The following SIPA1L3 variants were observed in gnomAD, a reference collection of about 807,000 sequenced individuals.
The protein encoded by SIPA1L3 is signal-induced proliferation-associated 1-like protein 3.
In SIPA1L3, 59 loss-of-function variants were observed where a neutral mutation model predicts 150.1. The observed-to-expected ratio is 0.39, with a 90% CI of 0.32 to 0.49. The LOEUF (loss-of-function observed/expected upper bound fraction) is 0.49. SIPA1L3 is among the 20% of genes least tolerant of loss of function. The pLI, the probability that SIPA1L3 is intolerant of heterozygous loss-of-function variation, is 0.86. For missense variants in SIPA1L3, 2,211 were observed against 2,489.5 expected, an observed-to-expected ratio of 0.89 and a Z score of 2.38; for synonymous variants, 1,070 against 1,077.6, an observed-to-expected ratio of 0.99 and a Z score of 0.14.
intron 2 of SIPA1L3, among the ~76,000 whole-genome samples, chr19:38,051,089 T>C (rs1408858936): frequency 6.6e-6 from 1 of 152,136 alleles, no homozygotes; most frequent in Non-Finnish European, 1.5e-5. Flanking sequence ...GTAAAGTGTT[T>C]AGAGCAGTGC....
At chr19:38,087,940 C>T (rs547275921) in intron 3 of SIPA1L3, among the ~76,000 whole-genome samples, 1 of 152,270 alleles carries the variant, frequency 6.6e-6, no homozygotes, top group African/African-American at 2.4e-5. Flanking sequence ...ATGGAGTGAA[C>T]CCGGGAGGTG....
chr19:38,123,419 G>T (rs897678136), intron 9 of SIPA1L3, among the ~76,000 whole-genome samples: 2 of 149,344 alleles, frequency 1.3e-5, no homozygotes, highest in Admixed American at 1.3e-4. Flanking sequence ...GCGGCCTTCC[G>T]CAGTGTTTGT....
chr19:38,018,006 C>T (rs1378583235), intron 1 of SIPA1L3, among the ~76,000 whole-genome samples: 3 of 152,140 alleles, frequency 2.0e-5, no homozygotes, highest in African/African-American at 4.8e-5. Flanking sequence ...CCCTCCCTTG[C>T]TGCAGCCATC....
In SIPA1L3 at chr19:38,119,759, T is replaced by C. The variant is rs372446385; in HGVS notation, c.2745T>C (p.Asp915=). ...KEVVFNCYCG[D]VIGWTPDSST... ...TGGTGTTCAACTGCTACTGCGGGGA[T>C]GTCATTGGCTGGACTCCAGACTCCT... The change falls in exon 9 of 22, where the codon GAT becomes GAC. Residue 915 remains aspartate, a synonymous_variant. Transcript: ENST00000222345. 9 of 1,614,052 alleles carry C rather than the reference T, an allele frequency of 5.6e-6. No individual in the cohort carries two copies. Among genetic ancestry groups the C allele is most frequent in the Non-Finnish European group, 7.6e-6 (9 of 1,180,018 alleles).
intron 2 of SIPA1L3, among the ~76,000 whole-genome samples, chr19:38,045,065 C>T (rs1444752425): frequency 6.6e-6 from 1 of 152,102 alleles, no homozygotes; most frequent in Non-Finnish European, 1.5e-5. Flanking sequence ...GCCCTCACCA[C>T]CTAGTGGGGG....
chr19:38,198,504 C>T lies in SIPA1L3; in HGVS notation c.4956C>T (p.Ser1652=). 1 of 1,590,340 alleles carries T rather than the reference C, an allele frequency of 6.3e-7. No individual in the cohort carries two copies. Among genetic ancestry groups the T allele is most frequent in the Non-Finnish European group, 8.5e-7 (1 of 1,169,600 alleles). Residue 1652 remains serine, a synonymous_variant, in exon 19 of 22, where the codon AGC becomes AGT. Transcript: ENST00000222345. Reference sequence around the variant, plus strand: ...CAGCTGCTGGCCTCGAGTGGTCCAGCCTGGTGAACGCAGCCAAGGCATACG... The same window carrying T: ...CAGCTGCTGGCCTCGAGTGGTCCAGTCTGGTGAACGCAGCCAAGGCATACG... ...PDTAAGLEWS[S]LVNAAKAYEV...
In SIPA1L3 at chr19:37,973,553, A is replaced by AG. The variant is rs1568484946; in HGVS notation, c.-378-55536_-378-55535insG. On this transcript the variant is annotated intron_variant, in intron 1 of 21. Coordinates refer to ENST00000222345, the MANE Select transcript of SIPA1L3 (RefSeq NM_015073.3). Reference sequence around the variant, plus strand: ...CCTGGCCAAAAAAAAAAAAAAAAAAAAGCGGGAGGGGGGCGCATCTTGAAG... The same window carrying AG: ...CCTGGCCAAAAAAAAAAAAAAAAAAAGAGCGGGAGGGGGGCGCATCTTGAAG... Among the ~76,000 whole-genome samples the AG allele has an allele frequency of 1.5e-4, 12 of 80,374 alleles. No individual in the cohort carries two copies. In the East Asian group the frequency reaches 4.2e-3, roughly 28 times the overall value. 52.7% of individuals were successfully genotyped at this position (80,374 alleles called of 152,430 possible). A position where few individuals can be genotyped will look rare whatever the true frequency, so the allele number is the denominator to read the frequency against.
At chr19:38,067,652 C>T (rs1969625958) in intron 2 of SIPA1L3, among the ~76,000 whole-genome samples, 1 of 151,964 alleles carries the variant, frequency 6.6e-6, no homozygotes, top group Non-Finnish European at 1.5e-5. Flanking sequence ...ATCCCAGCTA[C>T]TCTGGAGGCT....
chr19:38,064,770 A>G (rs549468830), intron 2 of SIPA1L3, among the ~76,000 whole-genome samples: 3 of 152,366 alleles, frequency 2.0e-5, no homozygotes, highest in East Asian at 1.9e-4. Context: ...ATTCTAAGCC[A>G]TGGCATTTAT....
intron 16 of SIPA1L3, among the ~76,000 whole-genome samples, chr19:38,187,715 C>CAAAAAAAAAA (rs34187992): frequency 1.7e-5 from 1 of 59,532 alleles, no homozygotes; most frequent in Non-Finnish European, 2.9e-5. Flanking sequence ...GACTCCGTCT[C>CAAAAAAAAAA]AAAAAAAAAA....
At chr19:38,132,096 GA>G (rs371086622) in intron 10 of SIPA1L3, among the ~76,000 whole-genome samples, 6 of 147,170 alleles carry the variant, frequency 4.1e-5, no homozygotes, top group South Asian at 2.2e-4. Flanking sequence ...GCCTAAAGGA[GA>G]AAAAAAAAAC....
At chr19:38,126,043 G>A (rs529517024) in intron 9 of SIPA1L3, among the ~76,000 whole-genome samples, 58 of 152,164 alleles carry the variant, frequency 3.8e-4, no homozygotes, top group Non-Finnish European at 7.8e-4. Context: ...GCGTGGTGGC[G>A]GGCTCCTGTA....
intron 2 of SIPA1L3, among the ~76,000 whole-genome samples, chr19:38,061,958 T>A (rs746202117): frequency 3.3e-5 from 5 of 151,702 alleles, no homozygotes; most frequent in Non-Finnish European, 7.4e-5. Context: ...ATGCTGGAGA[T>A]AGACCAGTGA....
intron 1 of SIPA1L3, chr19:37,964,734 GTGA>G (rs1277498690): frequency 6.6e-6 from 1 of 152,168 alleles, no homozygotes; most frequent in Non-Finnish European, 1.5e-5. Context: ...CTGACCTCAA[GTGA>G]TCCACCCGCC....
In SIPA1L3 at chr19:38,194,824, G is replaced by T. The variant is rs1192904521; in HGVS notation, c.4840+1044G>T. Among the ~76,000 whole-genome samples, 5 of 152,218 alleles carry T rather than the reference G, an allele frequency of 3.3e-5. 1 individual carries two copies. Among genetic ancestry groups the T allele is most frequent in the African/African-American group, 1.2e-4 (5 of 41,458 alleles). The stretch of plus-strand genomic sequence containing the variant: ...CCAGCACTTTGGGAGGCCGAGGCGG[G>T]TGGATCACCTGAGGTCAGGAGTTCG... On this transcript the variant is annotated intron_variant, in intron 18 of 21. Transcript: ENST00000222345.
At chr19:37,984,511 A>T (rs1217174909) in intron 1 of SIPA1L3, among the ~76,000 whole-genome samples, 1 of 152,214 alleles carries the variant, frequency 6.6e-6, no homozygotes, top group Non-Finnish European at 1.5e-5. Flanking sequence ...GCTGCGAAAC[A>T]TTAAGGAAAG....
intron 1 of SIPA1L3, among the ~76,000 whole-genome samples, chr19:37,987,055 G>A (rs932877293): frequency 6.6e-6 from 1 of 152,192 alleles, no homozygotes; most frequent in South Asian, 2.1e-4. Flanking sequence ...AACCTCCCGA[G>A]TAGCTGGGAT....
intron 4 of SIPA1L3, among the ~76,000 whole-genome samples, chr19:38,096,259 G>A (rs909541379): frequency 2.0e-5 from 3 of 151,976 alleles, no homozygotes; most frequent in African/African-American, 7.3e-5. Flanking sequence ...TCTTTTTGTT[G>A]TTGTTGTTGA....
At chr19:37,989,921 C>T (rs985292851) in intron 1 of SIPA1L3, among the ~76,000 whole-genome samples, 4 of 152,178 alleles carry the variant, frequency 2.6e-5, no homozygotes, top group South Asian at 2.1e-4. Flanking sequence ...TGCACTCAGT[C>T]GGGGTGCTGG....
Sources: allele counts gnomAD v4.1 joint callset (sites outside exome capture counted in the v4.1 genomes callset), GRCh38; gene constraint gnomAD v4.1.1; transcripts MANE v1.5; gene names NCBI Gene and HGNC (gene_info 2026-07-23, HGNC 2026-07-21).